Variants in TRPV3 observed in about 807,000 individuals in gnomAD.
The protein encoded by TRPV3 is VRL-3.
TRPV3 carries 88 observed loss-of-function variants against 87.1 expected under a neutral mutation model. The observed-to-expected ratio is 1.01, with a 90% confidence interval of 0.85 to 1.21. The LOEUF is 1.21. Among genes scored for constraint, TRPV3 ranks in the 50% most tolerant of loss-of-function variants. The pLI is 0.00. For missense variants in TRPV3, 1,054 were observed against 1,030.1 expected, an observed-to-expected ratio of 1.02 and a Z score of -0.32; for synonymous variants, 438 against 423.3, an observed-to-expected ratio of 1.03 and a Z score of -0.43.
chr17:3,522,053 G>A (rs2074251804), intron 13 of TRPV3, among the ~76,000 whole-genome samples: 1 of 152,030 alleles, frequency 6.6e-6, no homozygotes, highest in African/African-American at 2.4e-5. Context: ...TCCAGCCTGG[G>A]GGGCAGAGCC....
At chr17:3,529,230 C>T (rs958995432) in intron 9 of TRPV3, among the ~76,000 whole-genome samples, 3 of 152,100 alleles carry the variant, frequency 2.0e-5, no homozygotes, top group Non-Finnish European at 2.9e-5. Flanking sequence ...CAGGAGGACC[C>T]GATGCACAGC....
chr17:3,511,175 GTGTGCATGGGTGTGGTTT>G lies in TRPV3; in HGVS notation c.*2724_*2741del, dbSNP rs1320483945. On this transcript the variant is annotated 3_prime_UTR_variant, in exon 18 of 18. Transcript: ENST00000576742. Reference sequence around the variant, plus strand: ...GTGTGTGTGGGGGCTGAGGGTGTGTGTGTGCATGGGTGTGGTTTTGTGCACCCCTGTGGGCACACTTGA... The same window carrying G: ...GTGTGTGTGGGGGCTGAGGGTGTGTGTGTGCACCCCTGTGGGCACACTTGA... The G allele has an allele frequency of 6.6e-6, 1 of 152,222 alleles. No individual in the cohort carries two copies. The highest frequency in any genetic ancestry group is 1.5e-5 in the Non-Finnish European group (1 of 68,066). The allele number at this position is 152,222 out of a possible 1,614,324, so 9.4% of individuals were successfully genotyped here.
Position 3,516,571 on chromosome 17 carries a change from T to C in TRPV3, c.2086-2A>G. 6.2e-7 allele frequency: 1 copy of C among 1,612,558 alleles called. No individual in the cohort carries two copies. The highest frequency in any genetic ancestry group is 2.2e-5 in the East Asian group (1 of 44,878). On this transcript the variant is annotated splice_acceptor_variant, in intron 15 of 17. Coordinates refer to ENST00000576742, the MANE Select transcript of TRPV3 (RefSeq NM_145068.4). LOFTEE classifies it high-confidence loss of function. ...AAACTCCAAGATGGTCCTGGCTCTC[T>C]GGGGACATAAGCAAGTCTAAGGAGT...
In TRPV3 at chr17:3,543,375, C is replaced by T. The variant is rs187572684; in HGVS notation, c.466+99G>A. The T allele has an allele frequency of 4.1e-6, 6 of 1,479,796 alleles. No individual in the cohort carries two copies. The African/African-American group carries it at 4.2e-5, about 10-fold the overall frequency. The allele number at this position is 1,479,796 out of a possible 1,614,324, so 91.7% of individuals were successfully genotyped here. A position where few individuals can be genotyped will look rare whatever the true frequency, so the allele number is the denominator to read the frequency against. Reference sequence around the variant, plus strand: ...CCTAGCCAGAATTCAAGGCCCCTCACACTCCAGCCTCATGGGTTGGTGAGG... The same window carrying T: ...CCTAGCCAGAATTCAAGGCCCCTCATACTCCAGCCTCATGGGTTGGTGAGG... On this transcript the variant is annotated intron_variant, in intron 5 of 17. Transcript: ENST00000576742.
At chr17:3,548,450 C>T (rs562852099) in intron 2 of TRPV3, among the ~76,000 whole-genome samples, 150 of 152,228 alleles carry the variant, frequency 9.9e-4, no homozygotes, top group Non-Finnish European at 2.0e-3. Flanking sequence ...TCTGAGCCTT[C>T]TTCCAGCTAA....
rs2150810988 is a variant in TRPV3, at chr17:3,556,054, G to A, written c.-2-1202C>T. On this transcript the variant is annotated intron_variant, in intron 1 of 17. Transcript: ENST00000576742. This position sits in a 1 kb window ranked among gnomAD's most constrained non-coding sequence, Gnocchi z 4.2. ...TAGCCGGGCATGGTGGTACATGCCT[G>A]TAGTCCCAGCTAGTCGGGAGGCTGA... Among the ~76,000 whole-genome samples the A allele has an allele frequency of 6.6e-6, 1 of 152,012 alleles. No homozygotes were observed. The highest frequency in any genetic ancestry group is 6.5e-5 in the Admixed American group (1 of 15,274).
At chr17:3,515,682 T>C (rs959956505) in intron 16 of TRPV3, among the ~76,000 whole-genome samples, 1 of 61,402 alleles carries the variant, frequency 1.6e-5, no homozygotes, top group African/African-American at 6.5e-5. Context: ...TCATAGGATA[T>C]GTAAGGACTT....
chr17:3,542,145 C>T (rs977278141), intron 6 of TRPV3, among the ~76,000 whole-genome samples: 3 of 152,022 alleles, frequency 2.0e-5, no homozygotes, highest in African/African-American at 7.2e-5. Context: ...TTAGTAGAGA[C>T]GGGGTTTCAC....
intron 16 of TRPV3, among the ~76,000 whole-genome samples, 177 bp from the exon 17 acceptor site, chr17:3,514,849 C>T (rs1038419695): frequency 6.6e-6 from 1 of 151,986 alleles, no homozygotes; most frequent in Non-Finnish European, 1.5e-5. Flanking sequence ...GAACTCTATC[C>T]CCATCTCCAC....
Position 3,543,498 on chromosome 17 carries a change from G to T in TRPV3, c.442C>A (p.Arg148=). 1.2e-6 allele frequency: 2 copies of T among 1,613,538 alleles called. No individual in the cohort carries two copies. Among genetic ancestry groups the T allele is most frequent in the African/African-American group, 1.3e-5 (1 of 75,032 alleles). The change falls in exon 5 of 18, where the codon CGG becomes AGG. Residue 148 remains arginine (R), a synonymous_variant. Coordinates refer to ENST00000576742, the MANE Select transcript of TRPV3 (RefSeq NM_145068.4). ...CCAGGCACATCCTCATCATGGCGCCGCCTGCAAAGCTCCTGCAGCTCCACC... is the reference window on the plus strand; with the variant it reads ...CCAGGCACATCCTCATCATGGCGCCTCCTGCAAAGCTCCTGCAGCTCCACC... The part of the protein sequence containing the change: ...LLVELQELCR[R]RHDEDVPDFL...
chr17:3,513,627 C>G lies in TRPV3; in HGVS notation c.*290G>C. On this transcript the variant is annotated 3_prime_UTR_variant, in exon 18 of 18. Transcript: ENST00000576742. ...CAAGCCGACCTGCAATTGGTAAAACCAGAGGCTTCACCCGGGACTTCAGGA... is the reference window on the plus strand; with the variant it reads ...CAAGCCGACCTGCAATTGGTAAAACGAGAGGCTTCACCCGGGACTTCAGGA... The G allele has an allele frequency of 3.1e-6, 1 of 320,004 alleles. No individual in the cohort carries two copies. The highest frequency in any genetic ancestry group is 5.7e-6 in the Non-Finnish European group (1 of 174,228). 19.8% of individuals were successfully genotyped at this position (320,004 alleles called of 1,614,324 possible). A position where few individuals can be genotyped will look rare whatever the true frequency, so the allele number is the denominator to read the frequency against.
At chr17:3,535,175 TCCTC>T (rs2074388303) in intron 7 of TRPV3, among the ~76,000 whole-genome samples, 1 of 111,012 alleles carries the variant, frequency 9.0e-6, no homozygotes, top group Non-Finnish European at 1.9e-5. Flanking sequence ...CCGCCCTCCT[TCCTC>T]CTCCCTTCCT....
At position 3,518,529 on chromosome 17, in the gene TRPV3, C is replaced by A; in HGVS notation, c.2085+47G>T. ...CAGTAGTCAATGACCACGTGCTGAA[C>A]TGAGTCCCGTGGAGGCCCCCACGCT... On this transcript the variant is annotated intron_variant, in intron 15 of 17. Coordinates refer to ENST00000576742, the MANE Select transcript of TRPV3 (RefSeq NM_145068.4). The surrounding 1 kb of genome is among the most constrained non-coding windows in gnomAD (Gnocchi z 4.3). The A allele has an allele frequency of 6.6e-7, 1 of 1,519,694 alleles. No individual in the cohort carries two copies. The highest frequency in any genetic ancestry group is 8.8e-7 in the Non-Finnish European group (1 of 1,131,988). The allele number at this position is 1,519,694 out of a possible 1,614,324, so 94.1% of individuals were successfully genotyped here. A position where few individuals can be genotyped will look rare whatever the true frequency, so the allele number is the denominator to read the frequency against.
At chr17:3,546,799 TG>T (rs2074530388) in intron 2 of TRPV3, 1 of 404,910 alleles carries the variant, frequency 2.5e-6, no homozygotes, top group South Asian at 1.7e-5. Context: ...CAAAACCCTG[TG>T]TCTACTAAAC....
At chr17:3,541,828 C>G (rs934957740) in intron 6 of TRPV3, among the ~76,000 whole-genome samples, 15 of 152,256 alleles carry the variant, frequency 9.9e-5, no homozygotes, top group African/African-American at 2.7e-4. Flanking sequence ...ACTGTCCACT[C>G]TAAAGTTGCC....
chr17:3,555,737 G>A (rs1476657802), intron 1 of TRPV3, among the ~76,000 whole-genome samples: 1 of 152,222 alleles, frequency 6.6e-6, no homozygotes, highest in Non-Finnish European at 1.5e-5. Flanking sequence ...GACAAGCCGG[G>A]CAGAGGACAG....
intron 6 of TRPV3, among the ~76,000 whole-genome samples, chr17:3,540,010 G>C (rs149326574): frequency 1.6e-4 from 24 of 151,946 alleles, no homozygotes; most frequent in African/African-American, 5.8e-4. Context: ...GGGAGGCAGA[G>C]GTTGTGCCAC....
chr17:3,524,985 C>T (rs757583148), intron 12 of TRPV3, among the ~76,000 whole-genome samples: 1 of 151,968 alleles, frequency 6.6e-6, no homozygotes, highest in Non-Finnish European at 1.5e-5. Flanking sequence ...AGCAAAAGTC[C>T]CCCAAACCCT....
intron 9 of TRPV3, among the ~76,000 whole-genome samples, chr17:3,529,377 C>T (rs559717060): frequency 2.0e-5 from 3 of 152,254 alleles, no homozygotes; most frequent in African/African-American, 4.8e-5. Context: ...AAACTGCTAA[C>T]AATCCCTGCC....
Sources: allele counts gnomAD v4.1 joint callset (sites outside exome capture counted in the v4.1 genomes callset), GRCh38; gene constraint gnomAD v4.1.1; non-coding constraint Gnocchi (gnomAD v3.1); transcripts MANE v1.5; gene names NCBI Gene and HGNC (gene_info 2026-07-23, HGNC 2026-07-21).